CEP128: variants seen among roughly 807,000 people sequenced by gnomAD.
CEP128 encodes the protein centrosomal protein 128.
CEP128 carries 132 observed loss-of-function variants against 156.7 expected under a neutral mutation model. The ratio of observed to expected loss-of-function variants is 0.84; its 90% CI spans 0.73 to 0.97. CEP128 has a LOEUF of 0.97. CEP128 is among the 50% of genes least tolerant of loss of function. CEP128 has a pLI of 0.00. For synonymous variants in CEP128, 469 were observed against 448.9 expected, an observed-to-expected ratio of 1.04 and a Z score of -0.57; for missense variants, 1,252 against 1,281.9, an observed-to-expected ratio of 0.98 and a Z score of 0.36.
At chr14:80,489,723 C>A (rs1271283920), downstream of CEP128, among the ~76,000 whole-genome samples, 2 of 150,164 alleles carry the variant, frequency 1.3e-5, no homozygotes, top group Non-Finnish European at 2.9e-5. Flanking sequence ...TCTCTCGTCT[C>A]CTTAAAGCAT....
rs1344457542 is a variant in CEP128 at position 80,729,058 on chromosome 14, G to GTGTGTGTGTGTGTGTGT, written c.2806+14016_2806+14017insACACACACACACACACA. ...CCTAGTCCCAGGCTGGGCTGGTGGG[G>GTGTGTGTGTGTGTGTGT]GTGTGTGTGTGTGTGTGTGTGTGTG... On this transcript the variant is annotated intron_variant, in intron 19 of 24. Coordinates refer to ENST00000555265, the MANE Select transcript of CEP128 (RefSeq NM_152446.5). Among the ~76,000 whole-genome samples the GTGTGTGTGTGTGTGTGT allele has an allele frequency of 5.4e-3, 569 of 105,042 alleles. 58 individuals carry two copies. Among genetic ancestry groups the GTGTGTGTGTGTGTGTGT allele is most frequent in the East Asian group, 0.017 (55 of 3,196 alleles). The allele number at this position is 105,042 out of a possible 152,430, so 68.9% of individuals were successfully genotyped here.
At chr14:80,950,908 A>G (rs1886451725) in intron 2 of CEP128, among the ~76,000 whole-genome samples, 1 of 42,030 alleles carries the variant, frequency 2.4e-5, no homozygotes, top group African/African-American at 3.0e-4. Context: ...CCGAGTAAGA[A>G]AAAAAAAAAA....
chr14:80,647,047 A>ATGTGTGTGTG (rs1566831528), intron 19 of CEP128, among the ~76,000 whole-genome samples: 277 of 4,918 alleles, frequency 0.056, 18 homozygotes, highest in Admixed American at 0.078. Context: ...GTATATATAT[A>ATGTGTGTGTG]TATATATATA....
At chr14:80,857,406 C>T (rs73340189) in intron 9 of CEP128, among the ~76,000 whole-genome samples, 12,776 of 151,814 alleles carry the variant, frequency 0.084, 606 homozygotes, top group African/African-American at 0.12. Context: ...TGACTGTGTA[C>T]ACAGAAAAGG....
chr14:80,612,268 A>G (rs1893023955), intron 19 of CEP128, among the ~76,000 whole-genome samples: 1 of 152,204 alleles, frequency 6.6e-6, no homozygotes, highest in South Asian at 2.1e-4. Context: ...TGTTAAAATC[A>G]TCTCAGAAAT....
In CEP128 at chr14:80,573,861, G is replaced by A. The variant is rs181181865; in HGVS notation, c.2856+6513C>T. ...GTTACCTCTGCCTGAAAGTGGCAAA[G>A]GGTCGCCCAACCTTCCATCCCCACA... On this transcript the variant is annotated intron_variant, in intron 20 of 24. Coordinates refer to ENST00000555265, the MANE Select transcript of CEP128 (RefSeq NM_152446.5). Among the ~76,000 whole-genome samples, 95 of 152,256 alleles carry A rather than the reference G, an allele frequency of 6.2e-4. 1 individual carries two copies. Among genetic ancestry groups the A allele is most frequent in the East Asian group, 6.0e-3 (31 of 5,180 alleles).
chr14:80,741,111 T>A (rs1898809725), intron 19 of CEP128, among the ~76,000 whole-genome samples: 1 of 151,774 alleles, frequency 6.6e-6, no homozygotes, highest in South Asian at 2.1e-4. Flanking sequence ...GAAAGCAAGA[T>A]CAGTCACCTG....
chr14:80,914,544 G>T, intron 3 of CEP128, 136 bp from the exon 4 acceptor site: 1 of 631,584 alleles, frequency 1.6e-6, no homozygotes, highest in African/African-American at 1.8e-5. Flanking sequence ...GAATATCAAT[G>T]TACTTCACAC....
chr14:80,755,466 T>C (rs1251845481), intron 18 of CEP128, among the ~76,000 whole-genome samples: 7 of 152,334 alleles, frequency 4.6e-5, no homozygotes, highest in African/African-American at 1.7e-4. Context: ...AACTCTCAAT[T>C]GGACTTCATA....
intron 23 of CEP128, among the ~76,000 whole-genome samples, chr14:80,511,233 C>T (rs1028078323): frequency 1.3e-5 from 2 of 151,872 alleles, no homozygotes. Context: ...GCCATCAGGT[C>T]CCAGGCTTTT....
chr14:80,878,289 T>C (rs1220899651), intron 8 of CEP128, among the ~76,000 whole-genome samples: 1 of 152,092 alleles, frequency 6.6e-6, no homozygotes, highest in Non-Finnish European at 1.5e-5. Flanking sequence ...CCACCCTCCA[T>C]GCCCAAGAAC....
At chr14:80,741,386 A>G (rs1284813064) in intron 19 of CEP128, among the ~76,000 whole-genome samples, 1 of 152,132 alleles carries the variant, frequency 6.6e-6, no homozygotes, top group African/African-American at 2.4e-5. Context: ...TACCCCTTAT[A>G]ACTGAAGAAT....
chr14:80,634,444 TC>T (rs1340086653), intron 19 of CEP128, among the ~76,000 whole-genome samples: 10 of 152,222 alleles, frequency 6.6e-5, no homozygotes, highest in Admixed American at 3.3e-4. Context: ...GGTACTAATA[TC>T]AATATAGATG....
intron 8 of CEP128, among the ~76,000 whole-genome samples, chr14:80,864,837 G>A (rs568789889): frequency 3.3e-4 from 50 of 152,270 alleles, no homozygotes; most frequent in African/African-American, 8.4e-4. Flanking sequence ...GATTACAGGC[G>A]TGAGCCACCA....
chr14:80,479,956 C>T (rs987312322), intron 14 of CEP128, among the ~76,000 whole-genome samples: 1 of 152,198 alleles, frequency 6.6e-6, no homozygotes, highest in Admixed American at 6.5e-5. Flanking sequence ...CCTTTGACTC[C>T]AGGTCTCACA....
intron 19 of CEP128, among the ~76,000 whole-genome samples, chr14:80,636,658 T>C (rs1440617689): frequency 1.3e-5 from 2 of 152,184 alleles, no homozygotes; most frequent in Non-Finnish European, 2.9e-5. Flanking sequence ...AATCAAGATG[T>C]TTCTCACCAT....
intron 23 of CEP128, among the ~76,000 whole-genome samples, chr14:80,510,311 T>C (rs1313319671): frequency 1.3e-5 from 2 of 152,186 alleles, no homozygotes; most frequent in Admixed American, 1.3e-4. Context: ...CAATGTTTTA[T>C]AGTTTTCATT....
chr14:80,683,424 C>CTATA (rs60148658), intron 19 of CEP128, among the ~76,000 whole-genome samples: 5 of 151,570 alleles, frequency 3.3e-5, no homozygotes, highest in African/African-American at 1.2e-4. Context: ...CTTACCTATC[C>CTATA]TATATATATA....
rs139671097 is a variant in CEP128, at chr14:80,632,013, T to C, written c.2807-51590A>G. ...CTCTAAAGTCCATATTACTAGCTGA[T>C]GTGTTATTCAGCTCTTCTGTACTCT... On this transcript the variant is annotated intron_variant, in intron 19 of 24. Transcript: ENST00000555265. Among the ~76,000 whole-genome samples, 424 of 152,220 alleles carry C rather than the reference T, an allele frequency of 2.8e-3. 3 individuals are homozygous for C. The highest frequency in any genetic ancestry group is 9.7e-3 in the African/African-American group (404 of 41,568).
Sources: gnomAD v4.1 joint callset for allele counts (sites outside exome capture counted in the v4.1 genomes callset) on GRCh38, gnomAD v4.1.1 for gene constraint, MANE v1.5 for transcripts, NCBI Gene and HGNC (gene_info 2026-07-23, HGNC 2026-07-21) for gene names.